CADPS2: variants seen among roughly 807,000 people sequenced by gnomAD.
CADPS2 encodes calcium-dependent secretion activator 2.
In CADPS2, 93 loss-of-function variants were observed where a neutral mutation model predicts 172.5. The observed-to-expected ratio is 0.54, with a 90% CI of 0.46 to 0.64. The LOEUF (loss-of-function observed/expected upper bound fraction) is 0.64, where lower values mean the gene tolerates loss of function less well. CADPS2 is among the 30% of genes least tolerant of loss of function. The pLI is 0.00. For synonymous variants in CADPS2, 546 were observed against 555.2 expected (o/e 0.98, Z 0.23); for missense variants, 1,420 against 1,565.9 (o/e 0.91, Z 1.57).
intron 27 of CADPS2, among the ~76,000 whole-genome samples, chr7:122,350,723 T>C (rs1159819360): frequency 6.6e-6 from 1 of 152,132 alleles, no homozygotes; most frequent in Non-Finnish European, 1.5e-5. Flanking sequence ...CAGTGACTTA[T>C]GTCTATATTC....
At chr7:122,785,301 G>T (rs1035334666) in intron 1 of CADPS2, among the ~76,000 whole-genome samples, 40 of 152,308 alleles carry the variant, frequency 2.6e-4, no homozygotes, top group African/African-American at 9.6e-4. Flanking sequence ...GAGATTGTAT[G>T]ATTTTGTATA....
At chr7:122,513,530 CAATTT>C (rs2060148053) in intron 8 of CADPS2, among the ~76,000 whole-genome samples, 1 of 152,164 alleles carries the variant, frequency 6.6e-6, no homozygotes, top group East Asian at 1.9e-4. Flanking sequence ...TGTGACTTAT[CAATTT>C]GTCAGTCCTT....
At chr7:122,839,414 C>A (rs1030092018) in intron 1 of CADPS2, among the ~76,000 whole-genome samples, 10 of 152,064 alleles carry the variant, frequency 6.6e-5, no homozygotes, top group African/African-American at 2.2e-4. Flanking sequence ...GCAACAAAAG[C>A]CAAAATTGAC....
intron 2 of CADPS2, chr7:122,698,052 G>T: frequency 6.2e-7 from 1 of 1,613,978 alleles, no homozygotes; most frequent in Non-Finnish European, 8.5e-7. Context: ...ATGTCCCATG[G>T]GGTAAAATCC....
At chr7:122,359,968 C>T (rs931506719) in intron 27 of CADPS2, among the ~76,000 whole-genome samples, 1 of 152,116 alleles carries the variant, frequency 6.6e-6, no homozygotes, top group Non-Finnish European at 1.5e-5. Flanking sequence ...AAAACTGCTA[C>T]CATTTCTAAT....
intron 6 of CADPS2, among the ~76,000 whole-genome samples, chr7:122,597,330 G>C (rs2071979530): frequency 6.6e-6 from 1 of 152,028 alleles, no homozygotes; most frequent in African/African-American, 2.4e-5. Context: ...CATTATATCT[G>C]GCAAATCAGA....
chr7:122,815,013 A>G (rs925309247), intron 1 of CADPS2, among the ~76,000 whole-genome samples: 3 of 152,084 alleles, frequency 2.0e-5, no homozygotes, highest in Non-Finnish European at 4.4e-5. Flanking sequence ...CCCAACTTAG[A>G]AGGCAGAAAG....
At chr7:122,733,431 A>C (rs900959916) in intron 2 of CADPS2, among the ~76,000 whole-genome samples, 3 of 150,240 alleles carry the variant, frequency 2.0e-5, no homozygotes, top group East Asian at 3.9e-4. Flanking sequence ...CATGGAACAT[A>C]CATTCTAGAA....
intron 28 of CADPS2, among the ~76,000 whole-genome samples, chr7:122,326,774 T>G (rs2033962669): frequency 6.6e-6 from 1 of 152,094 alleles, no homozygotes. Flanking sequence ...TGGATTTATA[T>G]TTATTAACAT....
intron 1 of CADPS2, among the ~76,000 whole-genome samples, chr7:122,765,868 A>C (rs2093533375): frequency 6.6e-6 from 1 of 152,080 alleles, no homozygotes; most frequent in Admixed American, 6.6e-5. Flanking sequence ...CTCTTATATA[A>C]AATCCAGGTT....
chr7:122,357,703 T>C (rs1413990553), intron 27 of CADPS2, among the ~76,000 whole-genome samples: 1 of 152,152 alleles, frequency 6.6e-6, no homozygotes, highest in Non-Finnish European at 1.5e-5. Flanking sequence ...GTTTTGCCTT[T>C]TGTAGAATGT....
At chr7:122,510,248 A>G (rs1374338327) in intron 9 of CADPS2, among the ~76,000 whole-genome samples, 2 of 152,124 alleles carry the variant, frequency 1.3e-5, no homozygotes, top group Non-Finnish European at 2.9e-5. Flanking sequence ...ATTTGGCTTG[A>G]ACCAAAATTT....
At chr7:122,477,351 T>TA (rs1269529744) in intron 12 of CADPS2, among the ~76,000 whole-genome samples, 3 of 151,576 alleles carry the variant, frequency 2.0e-5, no homozygotes, top group Admixed American at 6.6e-5. Flanking sequence ...CGTCTCTTAC[T>TA]AAAAAACACA....
At chr7:122,480,414 CAAAGA>C (rs1563459832) in intron 12 of CADPS2, among the ~76,000 whole-genome samples, 1 of 151,790 alleles carries the variant, frequency 6.6e-6, no homozygotes, top group African/African-American at 2.4e-5. Context: ...ATACATACTT[CAAAGA>C]AAAGATATAG....
intron 3 of CADPS2, among the ~76,000 whole-genome samples, chr7:122,639,607 T>TA (rs1427114940): frequency 6.6e-6 from 1 of 152,212 alleles, no homozygotes; most frequent in African/African-American, 2.4e-5. Context: ...TCCATAGCTC[T>TA]AACATCACAA....
At chr7:122,552,689 A>G (rs1365616771) in intron 8 of CADPS2, among the ~76,000 whole-genome samples, 1 of 151,842 alleles carries the variant, frequency 6.6e-6, no homozygotes, top group African/African-American at 2.4e-5. Flanking sequence ...TGTTCTTGAG[A>G]CAAGCTGAAG....
intron 9 of CADPS2, among the ~76,000 whole-genome samples, chr7:122,509,648 G>A (rs1331468412): frequency 6.6e-6 from 1 of 152,114 alleles, no homozygotes; most frequent in Non-Finnish European, 1.5e-5. Context: ...GTAGTTATGT[G>A]CATCAATGTA....
chr7:122,468,497 C>T (rs1386544435), intron 14 of CADPS2, among the ~76,000 whole-genome samples: 2 of 152,180 alleles, frequency 1.3e-5, no homozygotes, highest in Non-Finnish European at 1.5e-5. Flanking sequence ...GTCCTAACTA[C>T]ATACTTTTTA....
intron 8 of CADPS2, among the ~76,000 whole-genome samples, chr7:122,530,173 C>T (rs892117863): frequency 6.6e-6 from 1 of 152,018 alleles, no homozygotes; most frequent in African/African-American, 2.4e-5. Flanking sequence ...CAGATGAACA[C>T]AGGTGAGTAA....
Sources: allele counts gnomAD v4.1 joint callset (sites outside exome capture counted in the v4.1 genomes callset), GRCh38; gene constraint gnomAD v4.1.1; transcripts MANE v1.5; gene names NCBI Gene and HGNC (gene_info 2026-07-23, HGNC 2026-07-21).